IQGAP1: variants seen among roughly 807,000 people sequenced by gnomAD.
IQGAP1 encodes the protein ras GTPase-activating-like protein IQGAP1.
IQGAP1 carries 66 observed loss-of-function variants against 215.6 expected under a neutral mutation model. The observed-to-expected ratio is 0.31, with a 90% CI of 0.25 to 0.38. IQGAP1 has a LOEUF of 0.38. Among genes scored for constraint, IQGAP1 ranks in the 10% least tolerant of loss-of-function variants. The pLI is 1.00. For synonymous variants in IQGAP1, 772 were observed against 728.7 expected (o/e 1.06, Z -0.96); for missense variants, 1,712 against 1,997.1 (o/e 0.86, Z 2.72).
chr15:90,439,129 T>C (rs1965412508), intron 5 of IQGAP1, among the ~76,000 whole-genome samples: 1 of 150,574 alleles, frequency 6.6e-6, no homozygotes, highest in African/African-American at 2.5e-5. Context: ...TATGTGACTT[T>C]TTAGGACAAT....
intron 2 of IQGAP1, among the ~76,000 whole-genome samples, chr15:90,394,805 T>C (rs199987932): frequency 1.3e-5 from 2 of 151,718 alleles, no homozygotes; most frequent in African/African-American, 4.9e-5. Context: ...TACCTCTACT[T>C]CTACTAAAAG....
At position 90,410,705 on chromosome 15, in the gene IQGAP1, A is replaced by AG. The variant is rs1303197776; in HGVS notation, c.156-15399dup. Among the ~76,000 whole-genome samples the AG allele has an allele frequency of 1.1e-4, 13 of 121,116 alleles. No homozygotes were observed. The Admixed American group carries it at 1.1e-3, about 10-fold the overall frequency. 79.5% of individuals were successfully genotyped at this position (121,116 alleles called of 152,430 possible). A position where few individuals can be genotyped will look rare whatever the true frequency, so the allele number is the denominator to read the frequency against. On this transcript the variant is annotated intron_variant, in intron 2 of 37. Transcript: ENST00000268182. ...CTGTTGTGGGGTAGGGGGAGGGGAG[A>AG]GGGGGGAGGGACAGCATTAGGAGAT... is the stretch of plus-strand genomic sequence containing the variant.
chr15:90,476,722 G>T lies in IQGAP1; in HGVS notation c.2844G>T (p.Met948Ile). The change falls in exon 24 of 38, where the codon ATG becomes ATT. Residue 948 changes from methionine to isoleucine, a missense_variant. By Grantham distance (10) the Met-to-Ile change is conservative (BLOSUM62 1). Coordinates refer to ENST00000268182, the MANE Select transcript of IQGAP1 (RefSeq NM_003870.4). Reference protein sequence around the residue: ...TKKNKEQLSDMMMINKQKGGL... With the variant: ...TKKNKEQLSDIMMINKQKGGL... ...AAAATAAGGAACAGTTGTCTGATAT[G>T]ATGATGATAAATAAACAGAAGGGAG... 1 of 1,604,952 alleles carries T rather than the reference G, an allele frequency of 6.2e-7. No individual in the cohort carries two copies. Among genetic ancestry groups the T allele is most frequent in the Non-Finnish European group, 8.5e-7 (1 of 1,177,458 alleles).
intron 2 of IQGAP1, among the ~76,000 whole-genome samples, chr15:90,413,421 C>G (rs1324005637): frequency 1.3e-5 from 2 of 152,116 alleles, no homozygotes; most frequent in Admixed American, 1.3e-4. Context: ...AATGCCTCAG[C>G]AAGAGAGAAC....
chr15:90,431,496 T>A (rs1166165548), intron 4 of IQGAP1, among the ~76,000 whole-genome samples: 2 of 152,258 alleles, frequency 1.3e-5, no homozygotes, highest in Non-Finnish European at 2.9e-5. Context: ...AAGAGCTTTG[T>A]TAATATTTGC....
At chr15:90,425,142 T>C (rs1345513224) in intron 2 of IQGAP1, among the ~76,000 whole-genome samples, 1 of 152,130 alleles carries the variant, frequency 6.6e-6, no homozygotes, top group Middle Eastern at 3.4e-3. Context: ...AAGCCCCGTC[T>C]CTACTAAAAA....
rs1470596997 is a variant in IQGAP1 at position 90,494,713 on chromosome 15, A to T, written c.4629A>T (p.Lys1543Asn). ...TCLDNLASKG[K>N]VSKKPREMKG... is the part of the protein sequence containing the mutation. Reference sequence around the variant, plus strand: ...AAGTGACATGATGTGATTTTTACAGAGTCTCCAAAAAGCCTAGGGAAATGA... The same window carrying T: ...AAGTGACATGATGTGATTTTTACAGTGTCTCCAAAAAGCCTAGGGAAATGA... The change falls in exon 36 of 38, where the codon AAA becomes AAT. Residue 1543 changes from lysine (K) to asparagine (N), a missense_variant and splice_region_variant. This residue lies in a region of IQGAP1 where 691 missense variants were observed against 923.0 expected (regional missense o/e 0.75). Transcript: ENST00000268182. 8.1e-6 allele frequency: 13 copies of T among 1,603,744 alleles called. No individual in the cohort carries two copies. Among genetic ancestry groups the T allele is most frequent in the Non-Finnish European group, 8.5e-6 (10 of 1,176,014 alleles).
intron 2 of IQGAP1, among the ~76,000 whole-genome samples, chr15:90,405,152 A>G (rs1226024207): frequency 6.6e-6 from 1 of 152,154 alleles, no homozygotes; most frequent in African/African-American, 2.4e-5. Flanking sequence ...ATCGTATTTT[A>G]CATTTTGAGT....
At chr15:90,404,184 C>T (rs1964843631) in intron 2 of IQGAP1, among the ~76,000 whole-genome samples, 1 of 152,154 alleles carries the variant, frequency 6.6e-6, no homozygotes, top group South Asian at 2.1e-4. Flanking sequence ...ATTTCTGGGT[C>T]AAAGGGAATA....
intron 14 of IQGAP1, among the ~76,000 whole-genome samples, chr15:90,455,790 C>G (rs115008895): frequency 0.015 from 2,221 of 152,246 alleles, 38 homozygotes; most frequent in African/African-American, 0.05. Flanking sequence ...ACCCTTGAAC[C>G]TTTTTAAGAC....
chr15:90,462,379 T>A (rs1965776139), intron 15 of IQGAP1, among the ~76,000 whole-genome samples: 1 of 152,196 alleles, frequency 6.6e-6, no homozygotes, highest in Non-Finnish European at 1.5e-5. Flanking sequence ...CAACTCTAAT[T>A]GAAATCCCAC....
intron 37 of IQGAP1, among the ~76,000 whole-genome samples, chr15:90,499,067 C>T (rs1188226906): frequency 1.3e-5 from 2 of 152,184 alleles, no homozygotes; most frequent in Non-Finnish European, 2.9e-5. Context: ...CCGCCTGCCT[C>T]GGCCTCCCAA....
intron 2 of IQGAP1, chr15:90,391,373 CTG>C (rs1290230742): frequency 6.5e-6 from 1 of 153,482 alleles, no homozygotes; most frequent in Admixed American, 6.5e-5. Context: ...TCATGAATCA[CTG>C]TGATGGGCAT....
At chr15:90,493,427 C>T (rs191515710) in intron 35 of IQGAP1, among the ~76,000 whole-genome samples, 2 of 152,158 alleles carry the variant, frequency 1.3e-5, no homozygotes, top group South Asian at 4.1e-4. Context: ...ATCCAGCCTT[C>T]TTGGCACTGG....
At chr15:90,388,480 C>A in intron 1 of IQGAP1, 84 bp downstream of exon 1, 2 of 272,656 alleles carry the variant, frequency 7.3e-6, no homozygotes, top group Non-Finnish European at 1.4e-5. Context: ...CTCGGCCGGG[C>A]GGGTGGGGCA....
chr15:90,458,073 A>G (rs1204239004), intron 15 of IQGAP1, among the ~76,000 whole-genome samples: 1 of 152,222 alleles, frequency 6.6e-6, no homozygotes, highest in East Asian at 1.9e-4. Context: ...GGCAACCATC[A>G]GACTGCTGGT....
chr15:90,477,114 C>A lies in IQGAP1; in HGVS notation c.2988C>A (p.Asn996Lys). Residue 996 changes from asparagine to lysine, a missense_variant, in exon 25 of 38, where the codon AAC becomes AAA. Around this residue, in one of 2 missense-constraint regions of IQGAP1, gnomAD observed 691 missense variants for 923.0 expected, o/e 0.75. Coordinates refer to ENST00000268182, the MANE Select transcript of IQGAP1 (RefSeq NM_003870.4). Reference protein sequence around the residue: ...LAKLIFQMPQNKSTKFMDSVI... With the variant: ...LAKLIFQMPQKKSTKFMDSVI... ...AGCTCATTTTTCAGATGCCCCAGAA[C>A]AAGTCCACCAAGTTCATGGACTCTG... 6.2e-7 allele frequency: 1 copy of A among 1,614,050 alleles called. No individual in the cohort carries two copies. Among genetic ancestry groups the A allele is most frequent in the Non-Finnish European group, 8.5e-7 (1 of 1,179,944 alleles).
Position 90,474,681 on chromosome 15 carries a change from G to A in IQGAP1, c.2772G>A (p.Lys924=), listed in dbSNP as rs765672931. 28 of 1,613,062 alleles carry A rather than the reference G, an allele frequency of 1.7e-5. No homozygotes were observed. In the East Asian group the frequency reaches 5.1e-4, roughly 30 times the overall value. Residue 924 remains lysine, a synonymous_variant, in exon 23 of 38, where the codon AAG becomes AAA. Transcript: ENST00000268182. The part of the protein sequence containing the change: ...DIKIGLLVKN[K]ITLQDVVSHS... ...AAATTGGACTGCTAGTGAAAAATAA[G>A]ATTACGTTGCAGGTATGGCCCAGTG...
In IQGAP1 at chr15:90,433,780, G is replaced by C; in HGVS notation, c.452G>C (p.Cys151Ser). 6.2e-7 allele frequency: 1 copy of C among 1,601,460 alleles called. No individual in the cohort carries two copies. Among genetic ancestry groups the C allele is most frequent in the Non-Finnish European group, 8.5e-7 (1 of 1,171,472 alleles). Residue 151 changes from cysteine to serine, a missense_variant, in exon 5 of 38, where the codon TGT (cysteine) becomes TCT (serine). By Grantham distance (112) the Cys-to-Ser change is moderately radical. This residue lies in a region of IQGAP1 where 1,021 missense variants were observed against 1,074.2 expected (regional missense o/e 0.95). Coordinates refer to ENST00000268182, the MANE Select transcript of IQGAP1 (RefSeq NM_003870.4). ...AAGAACATGCCAAGATGTATCTACT[G>C]TATCCATGCACTCAGGTAGTCAAAT... ...DRKNMPRCIY[C>S]IHALSLYLFK... is the part of the protein sequence containing the mutation.
Sources: gnomAD v4.1 joint callset for allele counts (sites outside exome capture counted in the v4.1 genomes callset) on GRCh38, gnomAD v4.1.1 for gene constraint, gnomAD v4.1.1 regional missense constraint, MANE v1.5 for transcripts, NCBI Gene and HGNC (gene_info 2026-07-23, HGNC 2026-07-21) for gene names.